The following ZFAND3 variants were observed in gnomAD, a reference collection of about 807,000 sequenced individuals.
The protein encoded by ZFAND3 is zinc finger AN1-type containing 3.
A neutral mutation model predicts 29.6 loss-of-function variants in ZFAND3; 10 were observed. The ratio of observed to expected loss-of-function variants is 0.34; its 90% confidence interval spans 0.21 to 0.57. The LOEUF (loss-of-function observed/expected upper bound fraction) is 0.57, where lower values mean the gene tolerates loss of function less well. Among genes scored for constraint, ZFAND3 ranks in the 20% least tolerant of loss-of-function variants. ZFAND3 has a pLI of 0.86. For missense variants in ZFAND3, 230 were observed against 304.5 expected (o/e 0.76, Z 1.82); for synonymous variants, 128 against 112.6 (o/e 1.14, Z -0.87).
At chr6:37,877,073 GTTTTGTATAGGTC>G (rs1764807673) in intron 1 of ZFAND3, among the ~76,000 whole-genome samples, 3 of 152,236 alleles carry the variant, frequency 2.0e-5, no homozygotes, top group South Asian at 4.1e-4. Context: ...GGGCTGGAGG[GTTTTGTATAGGTC>G]TTTAATTACA....
At chr6:37,999,349 T>C (rs993226547) in intron 2 of ZFAND3, among the ~76,000 whole-genome samples, 10 of 152,192 alleles carry the variant, frequency 6.6e-5, no homozygotes, top group African/African-American at 2.4e-4. Flanking sequence ...TTCCAAATAA[T>C]TTATGTAGCT....
chr6:37,918,846 T>G (rs1284928482), intron 1 of ZFAND3, among the ~76,000 whole-genome samples: 1 of 152,164 alleles, frequency 6.6e-6, no homozygotes, highest in African/African-American at 2.4e-5. Context: ...AATACCTTAT[T>G]GTTATCTCTC....
intron 2 of ZFAND3, among the ~76,000 whole-genome samples, chr6:38,009,060 T>C (rs1388885930): frequency 2.0e-5 from 3 of 152,200 alleles, no homozygotes; most frequent in African/African-American, 7.2e-5. Flanking sequence ...TTATCAGTAA[T>C]AAGCACCTCA....
chr6:38,128,102 T>C (rs535969224), intron 5 of ZFAND3, among the ~76,000 whole-genome samples: 3 of 152,360 alleles, frequency 2.0e-5, no homozygotes, highest in African/African-American at 7.2e-5. Flanking sequence ...AGGCCAGTTA[T>C]GGCAAACACA....
intron 2 of ZFAND3, among the ~76,000 whole-genome samples, chr6:37,992,428 A>T (rs1762774795): frequency 6.6e-6 from 1 of 152,200 alleles, no homozygotes; most frequent in African/African-American, 2.4e-5. Context: ...AGGAAAGTTA[A>T]AACACTAGAA....
intron 2 of ZFAND3, among the ~76,000 whole-genome samples, chr6:38,055,007 A>G (rs866193264): frequency 8.5e-5 from 13 of 152,320 alleles, no homozygotes; most frequent in South Asian, 6.2e-4. Context: ...AAATGTTTCT[A>G]TGAACGGAAG....
intron 4 of ZFAND3, among the ~76,000 whole-genome samples, chr6:38,108,970 T>A (rs1765261045): frequency 6.6e-6 from 1 of 152,152 alleles, no homozygotes; most frequent in Admixed American, 6.5e-5. Context: ...TTGAAATTTT[T>A]AAAATAAAAA....
At chr6:38,035,258 A>G (rs1288143005) in intron 2 of ZFAND3, among the ~76,000 whole-genome samples, 1 of 152,096 alleles carries the variant, frequency 6.6e-6, no homozygotes, top group East Asian at 1.9e-4. Context: ...GACATCCCGA[A>G]TCTTCTATTA....
intron 1 of ZFAND3, among the ~76,000 whole-genome samples, chr6:37,834,802 T>C (rs536367459): frequency 8.6e-5 from 13 of 151,712 alleles, no homozygotes; most frequent in Non-Finnish European, 1.8e-4. Context: ...TATAATGATA[T>C]ATGCTCATAT....
rs992636648 is a variant in ZFAND3 at position 37,915,926 on chromosome 6, C to T, written c.72-14033C>T. Among the ~76,000 whole-genome samples the T allele has an allele frequency of 3.3e-5, 5 of 152,038 alleles. No individual in the cohort carries two copies. The East Asian group carries it at 5.8e-4, about 18-fold the overall frequency. On this transcript the variant is annotated intron_variant, in intron 1 of 5. Transcript: ENST00000287218. ...CTGGGATTTCAGGCATGTGCCACCA[C>T]GCCCAGCTAATTTTTTATTTTTAGT...
rs536726163 is a variant in ZFAND3 at position 38,079,648 on chromosome 6, G to A, written c.296-2744G>A. ...AATTATTTTATGTGCTTTAAAAAAA[G>A]CATTTTGTTAGTTAAGCTGTTACCC... is the stretch of plus-strand genomic sequence containing the variant. On this transcript the variant is annotated intron_variant, in intron 3 of 5. Coordinates refer to ENST00000287218, the MANE Select transcript of ZFAND3 (RefSeq NM_021943.3). 2.0e-5 allele frequency among the ~76,000 whole-genome samples: 3 copies of A among 152,214 alleles called. No homozygotes were observed. In the East Asian group the frequency reaches 5.8e-4, roughly 29 times the overall value.
chr6:38,121,882 A>C (rs954381864), intron 5 of ZFAND3, among the ~76,000 whole-genome samples: 1 of 152,214 alleles, frequency 6.6e-6, no homozygotes, highest in African/African-American at 2.4e-5. Context: ...TTTAAGACCA[A>C]GTAAATGCTC....
At chr6:38,090,398 C>T (rs1280653897) in intron 4 of ZFAND3, among the ~76,000 whole-genome samples, 3 of 152,152 alleles carry the variant, frequency 2.0e-5, no homozygotes, top group African/African-American at 7.2e-5. Context: ...GTAAATCTGT[C>T]ATGGCAAGGA....
intron 2 of ZFAND3, among the ~76,000 whole-genome samples, chr6:38,015,233 C>T (rs1055363951): frequency 1.3e-5 from 2 of 152,092 alleles, no homozygotes; most frequent in African/African-American, 2.4e-5. Context: ...TGAAAATATA[C>T]TAAATCTCAT....
At chr6:37,975,615 T>G (rs1347924090) in intron 2 of ZFAND3, among the ~76,000 whole-genome samples, 1 of 152,206 alleles carries the variant, frequency 6.6e-6, no homozygotes, top group East Asian at 1.9e-4. Context: ...TCTGAGTTTA[T>G]TATTTTCAAG....
chr6:37,896,076 A>G (rs1389577584), intron 1 of ZFAND3, among the ~76,000 whole-genome samples: 1 of 152,192 alleles, frequency 6.6e-6, no homozygotes, highest in Non-Finnish European at 1.5e-5. Flanking sequence ...ATGTCATCAT[A>G]ATGGTTATGG....
chr6:37,955,643 A>T (rs1450284690), intron 2 of ZFAND3, among the ~76,000 whole-genome samples: 1 of 152,196 alleles, frequency 6.6e-6, no homozygotes, highest in Non-Finnish European at 1.5e-5. Flanking sequence ...TAGGCTCTGA[A>T]ATAGGGAATT....
chr6:37,844,732 C>G (rs76126559), intron 1 of ZFAND3, among the ~76,000 whole-genome samples: 13 of 149,628 alleles, frequency 8.7e-5, no homozygotes, highest in Admixed American at 3.3e-4. Context: ...AAGCAATTAT[C>G]GGCTGGGCGC....
At chr6:37,971,636 T>A (rs1048295900) in intron 2 of ZFAND3, among the ~76,000 whole-genome samples, 2 of 152,172 alleles carry the variant, frequency 1.3e-5, no homozygotes, top group Non-Finnish European at 2.9e-5. Flanking sequence ...GCAGAAACAA[T>A]GGCTTCATCT....
Sources: gnomAD v4.1 joint callset for allele counts (sites outside exome capture counted in the v4.1 genomes callset) on GRCh38, gnomAD v4.1.1 for gene constraint, MANE v1.5 for transcripts, NCBI Gene and HGNC (gene_info 2026-07-23, HGNC 2026-07-21) for gene names.